Variants in COL18A1 observed in about 807,000 individuals in gnomAD.
COL18A1 encodes collagen alpha-1(XVIII) chain.
In COL18A1, 133 loss-of-function variants were observed where a neutral mutation model predicts 168.0. That is an observed-to-expected ratio of 0.79 (90% CI 0.69 to 0.91). COL18A1 has a LOEUF of 0.91. Among genes scored for constraint, COL18A1 ranks in the 40% least tolerant of loss-of-function variants. COL18A1 has a pLI of 0.00. For synonymous variants in COL18A1, 949 were observed against 809.0 expected (o/e 1.17, Z -2.94); for missense variants, 2,126 against 1,925.4 (o/e 1.10, Z -1.95).
chr21:45,433,173 A>G (rs1174798883), intron 2 of COL18A1, among the ~76,000 whole-genome samples: 1 of 152,258 alleles, frequency 6.6e-6, no homozygotes, highest in Admixed American at 6.5e-5. Flanking sequence ...GTGAGTTTAT[A>G]GAAGGACAAG....
At chr21:45,475,754 G>A (rs2035624954) in intron 5 of COL18A1, among the ~76,000 whole-genome samples, 1 of 152,230 alleles carries the variant, frequency 6.6e-6, no homozygotes, top group African/African-American at 2.4e-5. Context: ...GCGTGTCTCT[G>A]GTGAGAGGAT....
Position 45,423,516 on chromosome 21 carries a change from C to T in COL18A1, c.106+18043C>T, listed in dbSNP as rs889611228. 2.0e-5 allele frequency among the ~76,000 whole-genome samples: 3 copies of T among 148,054 alleles called. No individual in the cohort carries two copies. The highest frequency in any genetic ancestry group is 4.5e-5 in the Non-Finnish European group (3 of 66,476). On this transcript the variant is annotated intron_variant, in intron 2 of 41. Coordinates refer to ENST00000651438, the MANE Select transcript of COL18A1 (RefSeq NM_001379500.1). The surrounding 1 kb of genome is among the most constrained non-coding windows in gnomAD (Gnocchi z 4.0). Reference sequence around the variant, plus strand: ...CCCGCCCCCCGCCCCCCGGAGGGCCCGGCTCCAAGGGTCATATGAGTGGAT... The same window carrying T: ...CCCGCCCCCCGCCCCCCGGAGGGCCTGGCTCCAAGGGTCATATGAGTGGAT...
intron 18 of COL18A1, 55 bp downstream of exon 18, chr21:45,488,499 C>T (rs1344727224): frequency 1.2e-6 from 2 of 1,613,032 alleles, no homozygotes; most frequent in Non-Finnish European, 8.5e-7. Flanking sequence ...CCTGTCTCGA[C>T]ATCTTGGGGC....
intron 2 of COL18A1, among the ~76,000 whole-genome samples, chr21:45,431,366 G>A (rs2033954116): frequency 6.7e-6 from 1 of 150,260 alleles, no homozygotes. Context: ...GGGGAGGGGG[G>A]CAGGCAGGAC....
At chr21:45,442,256 G>A (rs1569291596) in intron 2 of COL18A1, among the ~76,000 whole-genome samples, 1 of 152,238 alleles carries the variant, frequency 6.6e-6, no homozygotes, top group Admixed American at 6.5e-5. Context: ...TTCTGTGCCC[G>A]TGCCTTGCTT....
chr21:45,480,954 C>T (rs2035870905), intron 13 of COL18A1, 96 bp downstream of exon 13: 1 of 1,491,176 alleles, frequency 6.7e-7, no homozygotes, highest in Admixed American at 2.0e-5. Context: ...CCTCAGGCCT[C>T]CCCAGTCCCC....
At chr21:45,502,342 G>T (rs2036911121) in intron 32 of COL18A1, among the ~76,000 whole-genome samples, 1 of 152,204 alleles carries the variant, frequency 6.6e-6, no homozygotes, top group East Asian at 1.9e-4. Flanking sequence ...GCCGTCTAAG[G>T]TCCCACCTGG....
intron 2 of COL18A1, among the ~76,000 whole-genome samples, chr21:45,415,196 G>T (rs1364131299): frequency 6.6e-6 from 1 of 152,212 alleles, no homozygotes; most frequent in Non-Finnish European, 1.5e-5. Context: ...CCTCTCACCT[G>T]CGAAGGGCCA....
At position 45,468,369 on chromosome 21, in the gene COL18A1, A is replaced by T; in HGVS notation, c.234A>T (p.Gln78His). The T allele has an allele frequency of 1.2e-6, 2 of 1,613,846 alleles. No individual in the cohort carries two copies. Among genetic ancestry groups the T allele is most frequent in the Non-Finnish European group, 1.7e-6 (2 of 1,180,046 alleles). Residue 78 changes from glutamine to histidine, a missense_variant, in exon 3 of 42, where the codon CAA becomes CAT. By Grantham distance (24) the Gln-to-His change is conservative. Transcript: ENST00000651438. ...TTGGGCCAGATGCCAACAGTGGCCA[A>T]GTGGCCCGGTACCACTTCCCCAGCC... is the stretch of plus-strand genomic sequence containing the variant. ...YVFGPDANSGQVARYHFPSLF... is the reference protein window; with the variant it reads ...YVFGPDANSGHVARYHFPSLF...
In COL18A1 at chr21:45,512,391, C is replaced by T; in HGVS notation, c.4013C>T (p.Ser1338Phe). The change falls in exon 42 of 42, where the codon TCC becomes TTC. Residue 1338 changes from serine to phenylalanine, a missense_variant. By Grantham distance (155) the Ser-to-Phe change is radical (BLOSUM62 -2). Coordinates refer to ENST00000651438, the MANE Select transcript of COL18A1 (RefSeq NM_001379500.1). ...ATTGAGAACAGCTTCATGACTGCCTCCAAGTAGCCACCGCCTGGATGCGGA... is the reference window on the plus strand; with the variant it reads ...ATTGAGAACAGCTTCATGACTGCCTTCAAGTAGCCACCGCCTGGATGCGGA... ...LCIENSFMTA[S>F]K 1.2e-6 allele frequency: 2 copies of T among 1,612,474 alleles called. No homozygotes were observed. The highest frequency in any genetic ancestry group is 8.5e-7 in the Non-Finnish European group (1 of 1,179,744).
intron 2 of COL18A1, chr21:45,455,347 G>C: frequency 1.3e-6 from 1 of 779,012 alleles, no homozygotes; most frequent in Non-Finnish European, 2.0e-6. Context: ...GAACCCCCGG[G>C]TGCTGGGCAC....
rs1168894386 is a variant in COL18A1, at chr21:45,491,312, G to A, written c.2155G>A (p.Asp719Asn). The stretch of plus-strand genomic sequence containing the variant: ...ACCTGTGGTCTACGTGTCGGAGCAG[G>A]ACGTAAGGACGCTGCGTGGGTGGGC... ...PGPVVYVSEQ[D>N]GSVLSVPGPE... The change falls in exon 22 of 42, where the codon GAC becomes AAC. Residue 719 changes from aspartate (D) to asparagine (N), a missense_variant and splice_region_variant. By Grantham distance (23) the Asp-to-Asn change is conservative. Transcript: ENST00000651438. 1 of 1,610,594 alleles carries A rather than the reference G, an allele frequency of 6.2e-7. No homozygotes were observed. Among genetic ancestry groups the A allele is most frequent in the Non-Finnish European group, 8.5e-7 (1 of 1,178,334 alleles).
At position 45,495,600 on chromosome 21, in the gene COL18A1, C is replaced by CCACA. The variant is rs112911974; in HGVS notation, c.2508+172_2508+175dup. 4.3e-5 allele frequency: 22 copies of CCACA among 511,428 alleles called. 1 individual carries two copies. Among genetic ancestry groups the CCACA allele is most frequent in the South Asian group, 3.2e-4 (17 of 53,482 alleles). The allele number at this position is 511,428 out of a possible 1,614,324, so 31.7% of individuals were successfully genotyped here. On this transcript the variant is annotated intron_variant, in intron 29 of 41. Coordinates refer to ENST00000651438, the MANE Select transcript of COL18A1 (RefSeq NM_001379500.1). ...CATACCCATGCACAGTCATACATGT[C>CCACA]CACACACGCACACGTGTGCCCAAAC...
intron 15 of COL18A1, 66 bp downstream of exon 15, chr21:45,482,887 A>C: frequency 6.2e-7 from 1 of 1,612,240 alleles, no homozygotes; most frequent in Non-Finnish European, 8.5e-7. Flanking sequence ...TCGGACCCCC[A>C]AAGAGGGTGG....
intron 15 of COL18A1, among the ~76,000 whole-genome samples, chr21:45,484,391 ATG>A (rs1440053349): frequency 2.6e-5 from 3 of 116,978 alleles, no homozygotes; most frequent in African/African-American, 3.8e-5. Flanking sequence ...CATCTCCAGC[ATG>A]TGTGTACACA....
intron 41 of COL18A1, 27 bp downstream of exon 41, chr21:45,511,253 C>CT (rs765645569): frequency 3.1e-6 from 4 of 1,279,998 alleles, no homozygotes; most frequent in Non-Finnish European, 4.5e-6. Context: ...GTGTGAGCAG[C>CT]TCTGAGAGCC....
intron 15 of COL18A1, among the ~76,000 whole-genome samples, chr21:45,484,851 A>G (rs573242082): frequency 7.2e-5 from 11 of 152,370 alleles, no homozygotes; most frequent in African/African-American, 2.6e-4. Flanking sequence ...CAACTTTAAA[A>G]TCAGCAAAAT....
chr21:45,420,667 C>G (rs2033592891), intron 2 of COL18A1: 1 of 152,398 alleles, frequency 6.6e-6, no homozygotes, highest in African/African-American at 2.4e-5. Context: ...ATCCTGGCAA[C>G]AGGAGGGCGA....
intron 2 of COL18A1, among the ~76,000 whole-genome samples, chr21:45,461,646 T>G (rs567460292): frequency 6.6e-6 from 1 of 152,292 alleles, no homozygotes; most frequent in Admixed American, 6.5e-5. Context: ...TATTTGTCCT[T>G]CCTAGACCTC....
Sources: gnomAD v4.1 joint callset for allele counts (sites outside exome capture counted in the v4.1 genomes callset) on GRCh38, gnomAD v4.1.1 for gene constraint, Gnocchi (gnomAD v3.1) non-coding constraint, MANE v1.5 for transcripts, NCBI Gene and HGNC (gene_info 2026-07-23, HGNC 2026-07-21) for gene names.